COL5A3: variants seen among roughly 807,000 people sequenced by gnomAD.
The protein encoded by COL5A3 is collagen alpha-3(V) chain.
COL5A3 carries 172 observed loss-of-function variants against 250.0 expected under a neutral mutation model. The ratio of observed to expected loss-of-function variants is 0.69; its 90% confidence interval spans 0.61 to 0.78. The LOEUF is 0.78. Among genes scored for constraint, COL5A3 ranks in the 30% least tolerant of loss-of-function variants. COL5A3 has a pLI of 0.00. For missense variants in COL5A3, 2,340 were observed against 2,334.4 expected (o/e 1.00, Z -0.05); for synonymous variants, 937 against 900.4 (o/e 1.04, Z -0.73).
Position 9,996,675 on chromosome 19 carries a change from G to A in COL5A3, c.1278C>T (p.Leu426=). The A allele has an allele frequency of 6.2e-7, 1 of 1,606,056 alleles. No individual in the cohort carries two copies. ...TCCCATCAATGCCGGGGATTCCTGG[G>A]AGGCCAGCAGGGCCCTGAGAGAGGG... is the stretch of plus-strand genomic sequence containing the variant. ...GDPGPPGPAG[L]PGIPGIDGIR... is the part of the protein sequence containing the mutation. The change falls in exon 12 of 67, where the codon CTC becomes CTT. Residue 426 remains leucine (L), a synonymous_variant. Coordinates refer to ENST00000264828, the MANE Select transcript of COL5A3 (RefSeq NM_015719.4).
intron 8 of COL5A3, among the ~76,000 whole-genome samples, chr19:10,001,153 T>G (rs191051879): frequency 1.4e-4 from 21 of 147,376 alleles, no homozygotes; most frequent in African/African-American, 2.2e-4. Context: ...AATTGTTCGG[T>G]TTTTTTTTTC....
chr19:9,995,589 C>T lies in COL5A3; in HGVS notation c.1562G>A (p.Gly521Glu). The change falls in exon 16 of 67, where the codon GGA becomes GAA. Residue 521 changes from glycine (G) to glutamate (E), a missense_variant. Gly to Glu is a moderately conservative substitution (Grantham distance 98). Around this residue, in one of 3 missense-constraint regions of COL5A3, gnomAD observed 1,152 missense variants for 1,146.3 expected, o/e 1.00. Transcript: ENST00000264828. ...QGPRGLQGPH[G>E]PPGRVGKMGR... ...CATCTTGCCCACTCGGCCAGGGGGT[C>T]CATGAGGTCCCTGCAGGCCTCGGGG... 1 of 1,607,636 alleles carries T rather than the reference C, an allele frequency of 6.2e-7. No individual in the cohort carries two copies. The highest frequency in any genetic ancestry group is 1.3e-5 in the African/African-American group (1 of 74,802).
Position 9,991,620 on chromosome 19 carries a change from G to T in COL5A3, c.1982C>A (p.Pro661His). The change falls in exon 24 of 67, where the codon CCT becomes CAT. Residue 661 changes from proline to histidine, a missense_variant. Pro to His is a moderately conservative substitution (Grantham distance 77). Coordinates refer to ENST00000264828, the MANE Select transcript of COL5A3 (RefSeq NM_015719.4). Reference protein sequence around the residue: ...LPGPQGLIGTPGEKGPPGNPG... With the variant: ...LPGPQGLIGTHGEKGPPGNPG... The stretch of plus-strand genomic sequence containing the variant: ...GGAGCTGTCACTCACCTTCTCCCCA[G>T]GAGTGCCAATGAGTCCCTGGGGACC... 1 of 1,601,902 alleles carries T rather than the reference G, an allele frequency of 6.2e-7. No homozygotes were observed. Among genetic ancestry groups the T allele is most frequent in the Admixed American group, 1.7e-5 (1 of 57,936 alleles).
chr19:9,960,450 C>A lies in COL5A3; in HGVS notation c.5199G>T (p.Lys1733Asn). The A allele has an allele frequency of 1.2e-6, 2 of 1,614,226 alleles. No homozygotes were observed. Among genetic ancestry groups the A allele is most frequent in the Middle Eastern group, 1.6e-4 (1 of 6,062 alleles). ...AATDFGQTNQ[K>N]FGFELGPVCF... ...AGACGGGGCCCAGTTCAAACCCAAA[C>A]TTTTGGTTCGTCTGGCCAAAGTCAG... is the stretch of plus-strand genomic sequence containing the variant. The change falls in exon 67 of 67, where the codon AAG (lysine) becomes AAT (asparagine). Residue 1733 changes from lysine (K) to asparagine (N), a missense_variant. By Grantham distance (94) the Lys-to-Asn change is moderately conservative (BLOSUM62 0). Transcript: ENST00000264828.
chr19:9,993,713 A>G lies in COL5A3; in HGVS notation c.1641+40T>C, dbSNP rs746878264. The G allele has an allele frequency of 1.1e-5, 17 of 1,613,844 alleles. No individual in the cohort carries two copies. The South Asian group carries it at 1.9e-4, about 18-fold the overall frequency. ...AGTGAGCCTTGACCCCATAAGCCTGACAGCTCCCACCAAGTCTTATCTCAG... is the reference window on the plus strand; with the variant it reads ...AGTGAGCCTTGACCCCATAAGCCTGGCAGCTCCCACCAAGTCTTATCTCAG... On this transcript the variant is annotated intron_variant, in intron 17 of 66. Transcript: ENST00000264828.
At position 9,977,645 on chromosome 19, in the gene COL5A3, G is replaced by A. The variant is rs759148316; in HGVS notation, c.3075C>T (p.Gly1025=). 5.0e-5 allele frequency: 80 copies of A among 1,608,448 alleles called. No homozygotes were observed. Among genetic ancestry groups the A allele is most frequent in the Non-Finnish European group, 6.6e-5 (78 of 1,177,220 alleles). Residue 1025 remains glycine (G), a synonymous_variant, in exon 42 of 67, where the codon GGC becomes GGT. Transcript: ENST00000264828. ...CAACGGGGCCTTCGCTGCCACTTTGGCCAGGAAGTCCAATGCCTCCTGCTG... is the reference window on the plus strand; with the variant it reads ...CAACGGGGCCTTCGCTGCCACTTTGACCAGGAAGTCCAATGCCTCCTGCTG... The part of the protein sequence containing the change: ...LGPAGGIGLP[G]QSGSEGPVGP...
At chr19:10,010,005 A>C (rs1330799403) in intron 1 of COL5A3, among the ~76,000 whole-genome samples, 1 of 151,868 alleles carries the variant, frequency 6.6e-6, no homozygotes, top group African/African-American at 2.4e-5. Flanking sequence ...ACGCAACTTC[A>C]CTCCAAATGC....
intron 24 of COL5A3, among the ~76,000 whole-genome samples, chr19:9,990,402 A>AAAAAAC (rs1555739322): frequency 6.6e-6 from 1 of 151,592 alleles, no homozygotes; most frequent in Non-Finnish European, 1.5e-5. Context: ...CAAAAAAAAA[A>AAAAAAC]AAAAAACTAA....
chr19:9,980,617 T>TACA, intron 35 of COL5A3, 31 bp downstream of exon 35: 2 of 1,529,322 alleles, frequency 1.3e-6, no homozygotes, highest in Non-Finnish European at 1.8e-6. Flanking sequence ...CACACACACA[T>TACA]TCACACACAC....
intron 24 of COL5A3, among the ~76,000 whole-genome samples, chr19:9,990,805 C>A (rs1273268207): frequency 1.3e-5 from 2 of 152,026 alleles, no homozygotes; most frequent in Non-Finnish European, 2.9e-5. Context: ...CCTCGTGATC[C>A]CCCCATCTCA....
chr19:10,008,454 C>G (rs1196212006), intron 1 of COL5A3, among the ~76,000 whole-genome samples: 1 of 145,724 alleles, frequency 6.9e-6, no homozygotes, highest in Non-Finnish European at 1.5e-5. Context: ...GTGGGGGGGT[C>G]TGTCAGGGGC....
At chr19:9,974,026 G>T in intron 47 of COL5A3, 54 bp from the exon 48 acceptor site, 2 of 1,521,384 alleles carry the variant, frequency 1.3e-6, no homozygotes, top group Non-Finnish European at 1.8e-6. Flanking sequence ...TCCCCAAAAG[G>T]CCACATTGAC....
rs746839636 is a variant in COL5A3 at position 9,979,201 on chromosome 19, C to T, written c.2805G>A (p.Gly935=). The T allele has an allele frequency of 1.2e-6, 2 of 1,603,470 alleles. No homozygotes were observed. The highest frequency in any genetic ancestry group is 1.1e-5 in the South Asian group (1 of 89,814). The change falls in exon 39 of 67, where the codon GGG becomes GGA. Residue 935 remains glycine (G), a synonymous_variant. Transcript: ENST00000264828. ...CAGGAGGTCCAGGGGGGCCTGGAGG[C>T]CCCCTTTCACCTAGAGGTCCCACTT... ...TGEVGPLGER[G]PPGPPGPPGE...
rs766577924 is a variant in COL5A3 at position 9,986,331 on chromosome 19, C to A, written c.2336G>T (p.Gly779Val). ...AGQAGEEGPPGSAGEKGKLGV... is the reference protein window; with the variant it reads ...AGQAGEEGPPVSAGEKGKLGV... ...GTCATTTACCTTCTCCCCAGCTGAG[C>A]CTGGGGGCCCCTCCTCGCCAGCCTG... The change falls in exon 30 of 67, where the codon GGC (glycine) becomes GTC (valine). Residue 779 changes from glycine to valine, a missense_variant. Around this residue, in one of 3 missense-constraint regions of COL5A3, gnomAD observed 1,152 missense variants for 1,146.3 expected, o/e 1.00. Transcript: ENST00000264828. 1.3e-6 allele frequency: 2 copies of A among 1,579,236 alleles called. No homozygotes were observed. Among genetic ancestry groups the A allele is most frequent in the Non-Finnish European group, 1.7e-6 (2 of 1,169,696 alleles).
intron 45 of COL5A3, among the ~76,000 whole-genome samples, chr19:9,974,886 T>C (rs183335201): frequency 8.8e-4 from 133 of 150,708 alleles, no homozygotes; most frequent in African/African-American, 3.1e-3. Flanking sequence ...TTTGTTTTTG[T>C]TTGTTTGTTT....
chr19:10,004,093 G>A lies in COL5A3; in HGVS notation c.647C>T (p.Ala216Val). Residue 216 changes from alanine (A) to valine (V), a missense_variant, in exon 5 of 67, where the codon GCT (alanine) becomes GTT (valine). Physicochemically the swap from Ala to Val is moderately conservative, Grantham distance 64. Coordinates refer to ENST00000264828, the MANE Select transcript of COL5A3 (RefSeq NM_015719.4). ...ISPDPQAAFQ[A>V]CERYLPDCDN... Reference sequence around the variant, plus strand: ...ACAGTCGGGGAGGTACCGCTCACAAGCCTGGAAGGCAGCCTGAGGATCTGG... The same window carrying A: ...ACAGTCGGGGAGGTACCGCTCACAAACCTGGAAGGCAGCCTGAGGATCTGG... 6.2e-7 allele frequency: 1 copy of A among 1,614,062 alleles called. No individual in the cohort carries two copies. The highest frequency in any genetic ancestry group is 8.5e-7 in the Non-Finnish European group (1 of 1,179,974).
chr19:9,986,373 G>A lies in COL5A3; in HGVS notation c.2294C>T (p.Pro765Leu), dbSNP rs760660773. ...GCCAGCCTGCCCCGCCTGCCCCTTC[G>A]GCCCCTCAGGACCATCCTCTCCCCG... ...GPRGEDGPEG[P>L]KGQAGQAGEE... The change falls in exon 30 of 67, where the codon CCG (proline) becomes CTG (leucine). Residue 765 changes from proline (P) to leucine (L), a missense_variant. Pro to Leu is a moderately conservative substitution (Grantham distance 98, BLOSUM62 -3). Transcript: ENST00000264828. 6.2e-6 allele frequency: 10 copies of A among 1,606,776 alleles called. No homozygotes were observed. The highest frequency in any genetic ancestry group is 4.5e-5 in the East Asian group (2 of 44,860).
chr19:9,983,568 GA>G (rs763622877), intron 31 of COL5A3, among the ~76,000 whole-genome samples: 1 of 71,090 alleles, frequency 1.4e-5, no homozygotes, highest in African/African-American at 4.4e-5. Flanking sequence ...AAGAAAGAAA[GA>G]AAGAAAGAAA....
At chr19:9,976,651 T>TGGGAGGCCGAGGCGGG in intron 44 of COL5A3, 40 bp from the exon 45 acceptor site, 1 of 1,524,298 alleles carries the variant, frequency 6.6e-7, no homozygotes, top group Non-Finnish European at 8.9e-7. Flanking sequence ...TCCCTCAGGT[T>TGGGAGGCCGAGGCGGG]TAAGATTAGA....
Sources: gnomAD v4.1 joint callset for allele counts (sites outside exome capture counted in the v4.1 genomes callset) on GRCh38, gnomAD v4.1.1 for gene constraint, gnomAD v4.1.1 regional missense constraint, MANE v1.5 for transcripts, NCBI Gene and HGNC (gene_info 2026-07-23, HGNC 2026-07-21) for gene names.